Variants in MRTFB observed in about 807,000 individuals in gnomAD.
The protein encoded by MRTFB is myocardin-related transcription factor B.
A neutral mutation model predicts 104.2 loss-of-function variants in MRTFB; 29 were observed. The ratio of observed to expected loss-of-function variants is 0.28; its 90% CI spans 0.21 to 0.38. The LOEUF is 0.38. Ranked by LOEUF, MRTFB falls within the 10% of genes least tolerant of loss-of-function variation. The pLI, the probability that MRTFB is intolerant of heterozygous loss-of-function variation, is 1.00. For missense variants in MRTFB, 1,270 were observed against 1,341.6 expected, an observed-to-expected ratio of 0.95 and a Z score of 0.83; for synonymous variants, 535 against 519.5, an observed-to-expected ratio of 1.03 and a Z score of -0.41.
At chr16:14,077,108 T>A (rs1354264833) in intron 1 of MRTFB, among the ~76,000 whole-genome samples, 1 of 152,240 alleles carries the variant, frequency 6.6e-6, no homozygotes, top group Non-Finnish European at 1.5e-5. Context: ...AAAGAAGGCT[T>A]AAATATGGCT....
At chr16:14,167,145 A>G (rs942704147) in intron 3 of MRTFB, among the ~76,000 whole-genome samples, 6 of 152,122 alleles carry the variant, frequency 3.9e-5, no homozygotes, top group South Asian at 2.1e-4. Context: ...AAGCGTTCCT[A>G]TTTCTCCGCA....
chr16:14,233,875 G>T (rs926026738), intron 8 of MRTFB, among the ~76,000 whole-genome samples: 1 of 151,744 alleles, frequency 6.6e-6, no homozygotes, highest in African/African-American at 2.4e-5. Context: ...ATAAAGAGTG[G>T]GTTCTGACTG....
intron 2 of MRTFB, among the ~76,000 whole-genome samples, chr16:14,128,307 G>A (rs562773219): frequency 3.3e-5 from 5 of 152,258 alleles, no homozygotes; most frequent in African/African-American, 4.8e-5. Flanking sequence ...GACCTCAAAA[G>A]GTCACCTCTT....
intron 2 of MRTFB, among the ~76,000 whole-genome samples, chr16:14,118,748 T>C (rs575578159): frequency 4.0e-5 from 6 of 151,758 alleles, no homozygotes; most frequent in Middle Eastern, 3.5e-3. Flanking sequence ...CACATATATA[T>C]ACACACACAC....
Position 14,124,378 on chromosome 16 carries a change from T to G in MRTFB, c.-63-16166T>G, listed in dbSNP as rs1596963719. On this transcript the variant is annotated intron_variant, in intron 2 of 16. Coordinates refer to ENST00000571589, the MANE Select transcript of MRTFB (RefSeq NM_001308142.2). ...GGGAATGCTTCCAGTTTTTGCCCAT[T>G]CGGTATGATATTGGCTATGGATTTG... Among the ~76,000 whole-genome samples, 8 of 152,332 alleles carry G rather than the reference T, an allele frequency of 5.3e-5. No individual in the cohort carries two copies. In the South Asian group the frequency reaches 1.7e-3, roughly 32 times the overall value.
At chr16:14,036,438 T>TTA in the MRTFB span, among the ~76,000 whole-genome samples, 896 of 145,534 alleles carry the variant, frequency 6.2e-3, 10 homozygotes, top group African/African-American at 0.021. Context: ...CCAGTTAGAC[T>TTA]TATATATATA....
At chr16:14,084,668 T>C (rs981129629) in intron 2 of MRTFB, among the ~76,000 whole-genome samples, 1 of 152,206 alleles carries the variant, frequency 6.6e-6, no homozygotes, top group African/African-American at 2.4e-5. Context: ...TATTATTGAG[T>C]TATGTGGATT....
At chr16:14,219,883 G>T (rs1032902211) in intron 8 of MRTFB, among the ~76,000 whole-genome samples, 4 of 152,152 alleles carry the variant, frequency 2.6e-5, no homozygotes, top group African/African-American at 9.7e-5. Context: ...AGGGGAGAGA[G>T]AGCAAGTATA....
At chr16:14,063,327 A>G in the MRTFB span, among the ~76,000 whole-genome samples, 5 of 152,328 alleles carry the variant, frequency 3.3e-5, no homozygotes, top group Admixed American at 1.3e-4. Flanking sequence ...CACATGTATT[A>G]TTATATATTA....
At chr16:14,011,596 AT>A in the MRTFB span, among the ~76,000 whole-genome samples, 1 of 152,194 alleles carries the variant, frequency 6.6e-6, no homozygotes, top group African/African-American at 2.4e-5. Context: ...TTAAAATAAA[AT>A]TATTATTGCC....
At chr16:14,218,777 C>T (rs745846923) in intron 7 of MRTFB, 43 bp from the exon 8 acceptor site, 17 of 1,534,396 alleles carry the variant, frequency 1.1e-5, no homozygotes, top group Non-Finnish European at 1.5e-5. Context: ...CTTGGTATTC[C>T]AAAGCCAACA....
intron 16 of MRTFB, among the ~76,000 whole-genome samples, chr16:14,260,652 C>T (rs2043733963): frequency 6.6e-6 from 1 of 152,150 alleles, no homozygotes; most frequent in African/African-American, 2.4e-5. Flanking sequence ...ATAAACTGGT[C>T]TTGGACAGTC....
intron 3 of MRTFB, chr16:14,148,578 T>C (rs1163693538): frequency 6.6e-6 from 1 of 152,644 alleles, no homozygotes; most frequent in Non-Finnish European, 1.5e-5. Context: ...CTAGACTAAT[T>C]AGCAAATATC....
chr16:14,092,490 G>A (rs1007565531), intron 2 of MRTFB, among the ~76,000 whole-genome samples: 1 of 152,122 alleles, frequency 6.6e-6, no homozygotes, highest in Non-Finnish European at 1.5e-5. Context: ...CTAGACCTGT[G>A]ATTTTTATGT....
intron 2 of MRTFB, among the ~76,000 whole-genome samples, chr16:14,096,531 G>T (rs977671630): frequency 2.0e-5 from 3 of 151,328 alleles, no homozygotes; most frequent in Non-Finnish European, 4.4e-5. Flanking sequence ...AAGTACTATT[G>T]CAGGGGAGAA....
In MRTFB at chr16:14,263,053, C is replaced by T. The variant is rs1052744704; in HGVS notation, c.*1609C>T. 5.2e-5 allele frequency: 8 copies of T among 152,418 alleles called. No homozygotes were observed. The highest frequency in any genetic ancestry group is 2.6e-4 in the Admixed American group (4 of 15,282). 9.4% of individuals were successfully genotyped at this position (152,418 alleles called of 1,614,324 possible). A position where few individuals can be genotyped will look rare whatever the true frequency, so the allele number is the denominator to read the frequency against. On this transcript the variant is annotated 3_prime_UTR_variant, in exon 17 of 17. Transcript: ENST00000571589. ...TGTGTGTGGTTTATAAATTTTACTA[C>T]GTGTAACAAAAGTCTGCTTTTCCAG...
At chr16:14,164,044 A>C (rs138638192) in intron 3 of MRTFB, among the ~76,000 whole-genome samples, 1 of 152,118 alleles carries the variant, frequency 6.6e-6, no homozygotes, top group Non-Finnish European at 1.5e-5. Flanking sequence ...TATCATTTCT[A>C]TGTGTTGGGA....
chr16:14,003,656 C>T, the MRTFB span, among the ~76,000 whole-genome samples: 2,817 of 73,466 alleles, frequency 0.038, 83 homozygotes, highest in African/African-American at 0.096. Context: ...CTCCCTCCCT[C>T]CCTCCCTCCC....
At chr16:14,251,212 C>T (rs2043239822) in intron 13 of MRTFB, among the ~76,000 whole-genome samples, 1 of 151,780 alleles carries the variant, frequency 6.6e-6, no homozygotes, top group Non-Finnish European at 1.5e-5. Flanking sequence ...CCCGTCTCTA[C>T]TAAAAATACA....
Sources: allele counts gnomAD v4.1 joint callset (sites outside exome capture counted in the v4.1 genomes callset), GRCh38; gene constraint gnomAD v4.1.1; transcripts MANE v1.5; gene names NCBI Gene and HGNC (gene_info 2026-07-23, HGNC 2026-07-21).